Variants in SOBP observed in about 807,000 individuals in gnomAD.
The protein encoded by SOBP is sine oculis-binding protein homolog.
Under a neutral mutation model 53.6 loss-of-function variants are expected in SOBP, and 4 were observed. The ratio of observed to expected loss-of-function variants is 0.07; its 90% CI spans 0.04 to 0.17. The LOEUF is 0.17. Among genes scored for constraint, SOBP ranks in the 10% least tolerant of loss-of-function variants. SOBP has a pLI of 1.00. For synonymous variants in SOBP, 584 were observed against 522.6 expected (o/e 1.12, Z -1.60); for missense variants, 1,088 against 1,204.7 (o/e 0.90, Z 1.43).
intron 3 of SOBP, among the ~76,000 whole-genome samples, chr6:107,532,223 A>C (rs1475299193): frequency 7.9e-6 from 1 of 126,198 alleles, no homozygotes; most frequent in African/African-American, 2.8e-5. Context: ...GAGATGTGGC[A>C]ATCAGTCTCT....
chr6:107,625,560 G>A (rs1244714828), intron 5 of SOBP, among the ~76,000 whole-genome samples: 3 of 152,204 alleles, frequency 2.0e-5, no homozygotes, highest in African/African-American at 7.2e-5. Context: ...CATTAGTTCT[G>A]CTCAGCAGTG....
chr6:107,583,061 A>G (rs1562631614), intron 4 of SOBP, among the ~76,000 whole-genome samples: 1 of 152,216 alleles, frequency 6.6e-6, no homozygotes, highest in African/African-American at 2.4e-5. Context: ...ACCCCACCCA[A>G]GTGGGGGCAG....
intron 6 of SOBP, among the ~76,000 whole-genome samples, chr6:107,654,307 T>A (rs1239734803): frequency 2.6e-5 from 4 of 152,206 alleles, no homozygotes; most frequent in African/African-American, 9.7e-5. Context: ...TGTCTGATGC[T>A]TCATGTAGCA....
At chr6:107,561,947 A>C (rs971393098) in intron 4 of SOBP, among the ~76,000 whole-genome samples, 1 of 152,060 alleles carries the variant, frequency 6.6e-6, no homozygotes, top group Non-Finnish European at 1.5e-5. Flanking sequence ...GTGGTGTTCA[A>C]AAGAGATGAC....
chr6:107,636,199 AGCTGATGAGTTGCTCACCTTT>A (rs1771036712), intron 6 of SOBP: 1 of 158,044 alleles, frequency 6.3e-6, no homozygotes, highest in Non-Finnish European at 1.4e-5. Context: ...CCAGCGGCTT[AGCTGATGAGTTGCTCACCTTT>A]GCAGGTAATG....
In SOBP at chr6:107,490,555, C is replaced by G. The variant is rs1395863798; in HGVS notation, c.-62C>G. On this transcript the variant is annotated 5_prime_UTR_variant, in exon 1 of 7. Coordinates refer to ENST00000317357, the MANE Select transcript of SOBP (RefSeq NM_018013.4). Reference sequence around the variant, plus strand: ...ACCACCTCCACCGCCGCCGCCGCCGCCACCACCACCGCCGGCGGCGGCAGC... The same window carrying G: ...ACCACCTCCACCGCCGCCGCCGCCGGCACCACCACCGCCGGCGGCGGCAGC... 2.4e-6 allele frequency: 3 copies of G among 1,274,252 alleles called. No individual in the cohort carries two copies. In the Admixed American group the frequency reaches 6.0e-5, roughly 25 times the overall value. 78.9% of individuals were successfully genotyped at this position (1,274,252 alleles called of 1,614,324 possible).
intron 4 of SOBP, among the ~76,000 whole-genome samples, chr6:107,547,300 G>A (rs1342648251): frequency 6.6e-6 from 1 of 152,222 alleles, no homozygotes; most frequent in Admixed American, 6.5e-5. Context: ...GGTCCCATCT[G>A]TAGGGGGCTC....
chr6:107,578,684 C>A (rs905501647), intron 4 of SOBP, among the ~76,000 whole-genome samples: 1 of 152,172 alleles, frequency 6.6e-6, no homozygotes, highest in Non-Finnish European at 1.5e-5. Flanking sequence ...GTGTCTGGTA[C>A]GTGCAAGAAA....
intron 4 of SOBP, among the ~76,000 whole-genome samples, chr6:107,543,345 T>C (rs1784205634): frequency 6.6e-6 from 1 of 152,212 alleles, no homozygotes; most frequent in African/African-American, 2.4e-5. Context: ...CACTTTCTTG[T>C]TGACATCCTC....
Position 107,660,625 on chromosome 6 carries a change from G to A in SOBP, c.*2422G>A, listed in dbSNP as rs1024731626. On this transcript the variant is annotated 3_prime_UTR_variant, in exon 7 of 7. Transcript: ENST00000317357. ...TTTATTTCAGCCTTATGTGAATGGG[G>A]TGGGTCCGTTTGGCTCTTTGATACC... 2.5e-4 allele frequency among the ~76,000 whole-genome samples: 38 copies of A among 152,204 alleles called. No homozygotes were observed. The highest frequency in any genetic ancestry group is 9.2e-4 in the African/African-American group (38 of 41,440).
intron 4 of SOBP, among the ~76,000 whole-genome samples, chr6:107,565,569 C>T (rs1017892624): frequency 5.3e-5 from 8 of 152,048 alleles, no homozygotes; most frequent in African/African-American, 1.9e-4. Flanking sequence ...CCCATATGGT[C>T]ATCTGAGTAG....
At chr6:107,603,884 T>C (rs1242445076) in intron 5 of SOBP, among the ~76,000 whole-genome samples, 1 of 152,072 alleles carries the variant, frequency 6.6e-6, no homozygotes, top group Non-Finnish European at 1.5e-5. Flanking sequence ...GATTGAACAA[T>C]TGGATCTCCA....
In SOBP at chr6:107,586,937, G is replaced by A. The variant is rs373966470; in HGVS notation, c.574-143G>A. ...TCCCAAATTTTGATACCTAAAAGGC[G>A]TACTGCGTATTTAAACAAACTTCTT... is the stretch of plus-strand genomic sequence containing the variant. On this transcript the variant is annotated intron_variant, in intron 4 of 6. Coordinates refer to ENST00000317357, the MANE Select transcript of SOBP (RefSeq NM_018013.4). 43 of 734,222 alleles carry A rather than the reference G, an allele frequency of 5.9e-5. No individual in the cohort carries two copies. In the Middle Eastern group the frequency reaches 8.4e-4, roughly 14 times the overall value. The allele number at this position is 734,222 out of a possible 1,614,324, so 45.5% of individuals were successfully genotyped here.
At chr6:107,610,802 A>G (rs759771805) in intron 5 of SOBP, among the ~76,000 whole-genome samples, 76 of 98,332 alleles carry the variant, frequency 7.7e-4, no homozygotes, top group African/African-American at 2.6e-3. Context: ...ACACGCACAC[A>G]CACACACACA....
At chr6:107,586,198 G>A (rs1341947884) in intron 4 of SOBP, among the ~76,000 whole-genome samples, 1 of 152,196 alleles carries the variant, frequency 6.6e-6, no homozygotes, top group Non-Finnish European at 1.5e-5. Context: ...AGCCATATGT[G>A]AGGGAGACAG....
chr6:107,516,235 G>A (rs932740950), intron 3 of SOBP, among the ~76,000 whole-genome samples: 3 of 152,132 alleles, frequency 2.0e-5, no homozygotes, highest in Admixed American at 6.5e-5. Flanking sequence ...TCCAAGGCAG[G>A]CAGATCACTT....
At chr6:107,502,476 T>C (rs1450762236) in intron 1 of SOBP, among the ~76,000 whole-genome samples, 1 of 152,200 alleles carries the variant, frequency 6.6e-6, no homozygotes, top group African/African-American at 2.4e-5. Context: ...AAGGTAAAAA[T>C]ATATAGTCAC....
At chr6:107,527,480 G>A (rs1376409498) in intron 3 of SOBP, among the ~76,000 whole-genome samples, 1 of 152,158 alleles carries the variant, frequency 6.6e-6, no homozygotes, top group African/African-American at 2.4e-5. Flanking sequence ...ACTGGTGCCT[G>A]GTCACTGGGC....
chr6:107,533,342 C>T, intron 3 of SOBP, 117 bp from the exon 4 acceptor site: 1 of 689,818 alleles, frequency 1.4e-6, no homozygotes, highest in Non-Finnish European at 2.4e-6. Context: ...AGCACTTCTT[C>T]TCCAAGGTCC....
Sources: allele counts gnomAD v4.1 joint callset (sites outside exome capture counted in the v4.1 genomes callset), GRCh38; gene constraint gnomAD v4.1.1; transcripts MANE v1.5; gene names NCBI Gene and HGNC (gene_info 2026-07-23, HGNC 2026-07-21).